ZFYVE16: variants seen among roughly 807,000 people sequenced by gnomAD.
ZFYVE16 encodes zinc finger FYVE-type containing 16.
Under a neutral mutation model 138.1 loss-of-function variants are expected in ZFYVE16, and 89 were observed. The observed-to-expected ratio is 0.64, with a 90% CI of 0.54 to 0.77. The LOEUF (loss-of-function observed/expected upper bound fraction) is 0.77. ZFYVE16 is among the 30% of genes least tolerant of loss of function. The pLI is 0.00. For missense variants in ZFYVE16, 1,793 were observed against 1,786.7 expected (o/e 1.00, Z -0.06); for synonymous variants, 596 against 618.3 (o/e 0.96, Z 0.53).
chr5:80,413,738 G>T (rs571446965), intron 1 of ZFYVE16, among the ~76,000 whole-genome samples: 3 of 152,152 alleles, frequency 2.0e-5, no homozygotes, highest in Non-Finnish European at 2.9e-5. Context: ...TTCTCTCGCC[G>T]AACCTTAATT....
At chr5:80,442,261 G>A (rs980933479) in intron 5 of ZFYVE16, among the ~76,000 whole-genome samples, 7 of 151,910 alleles carry the variant, frequency 4.6e-5, no homozygotes, top group East Asian at 1.9e-4. Context: ...ACACTACCAC[G>A]CCCAGCTAAT....
At chr5:80,429,841 A>AAAGC (rs149155410) in intron 2 of ZFYVE16, among the ~76,000 whole-genome samples, 1 of 10,184 alleles carries the variant, frequency 9.8e-5, no homozygotes, top group South Asian at 4.8e-3. Flanking sequence ...CAAAAGAGAC[A>AAAGC]AAGCCATTAC....
intron 9 of ZFYVE16, 70 bp from the exon 10 acceptor site, chr5:80,450,361 A>G: frequency 2.0e-6 from 3 of 1,496,628 alleles, no homozygotes; most frequent in Non-Finnish European, 2.7e-6. Flanking sequence ...GTTAAATGCA[A>G]AAACAATTGT....
At chr5:80,415,948 G>C (rs1285353064) in intron 1 of ZFYVE16, among the ~76,000 whole-genome samples, 1 of 152,212 alleles carries the variant, frequency 6.6e-6, no homozygotes, top group Non-Finnish European at 1.5e-5. Flanking sequence ...TTACAGGCGA[G>C]AGCCACCACG....
chr5:80,425,857 G>A (rs185804412), intron 1 of ZFYVE16, among the ~76,000 whole-genome samples: 189 of 152,172 alleles, frequency 1.2e-3, no homozygotes, highest in African/African-American at 4.0e-3. Context: ...AAAGTTCCCC[G>A]TAAACCTTTT....
At position 80,447,558 on chromosome 5, in the gene ZFYVE16, T is replaced by G. The variant is rs73767790; in HGVS notation, c.2725-468T>G. The stretch of plus-strand genomic sequence containing the variant: ...TATTGAAATAGTCTTTATGGGTAGT[T>G]TTTTCCAGGTGGTTACTCTTGTGGA... On this transcript the variant is annotated intron_variant, in intron 7 of 18. Coordinates refer to ENST00000505560, the MANE Select transcript of ZFYVE16 (RefSeq NM_001284236.3). Among the ~76,000 whole-genome samples, 1,401 of 152,272 alleles carry G rather than the reference T, an allele frequency of 9.2e-3. 24 individuals are homozygous for G. The highest frequency in any genetic ancestry group is 0.033 in the African/African-American group (1,367 of 41,568).
In ZFYVE16 at chr5:80,456,632, A is replaced by G. The variant is rs1026589834; in HGVS notation, c.3795+67A>G. On this transcript the variant is annotated intron_variant, in intron 13 of 18. Transcript: ENST00000505560. ...TAGAGTTCCCTTAGAATTGTGTCAC[A>G]TTAAATTTTTTGTTTTGAATTAGAC... The G allele has an allele frequency of 2.4e-5, 34 of 1,412,558 alleles. No individual in the cohort carries two copies. In the African/African-American group the frequency reaches 3.9e-4, roughly 16 times the overall value. 87.5% of individuals were successfully genotyped at this position (1,412,558 alleles called of 1,614,324 possible).
chr5:80,447,165 G>A (rs1163124339), intron 7 of ZFYVE16, among the ~76,000 whole-genome samples: 1 of 151,348 alleles, frequency 6.6e-6, no homozygotes, highest in Non-Finnish European at 1.5e-5. Context: ...TAGGGGAGAC[G>A]GAGGCAGGAG....
chr5:80,474,644 C>T lies in ZFYVE16; in HGVS notation c.4294-19C>T, dbSNP rs759618036. On this transcript the variant is annotated intron_variant, in intron 17 of 18. Coordinates refer to ENST00000505560, the MANE Select transcript of ZFYVE16 (RefSeq NM_001284236.3). The stretch of plus-strand genomic sequence containing the variant: ...GTTACTTTTAATCATGACTTGTTTC[C>T]TAATTAAATACATTTCAGGTGTTCT... The T allele has an allele frequency of 1.3e-6, 2 of 1,579,046 alleles. No homozygotes were observed. The highest frequency in any genetic ancestry group is 1.7e-6 in the Non-Finnish European group (2 of 1,161,624).
chr5:80,420,582 G>T (rs1180980447), intron 1 of ZFYVE16, among the ~76,000 whole-genome samples: 1 of 152,170 alleles, frequency 6.6e-6, no homozygotes, highest in East Asian at 1.9e-4. Flanking sequence ...GGCTGAGAAT[G>T]ATGGTTTCCA....
In ZFYVE16 at chr5:80,433,374, G is replaced by A. The variant is rs768812352; in HGVS notation, c.-39-735G>A. ...ACACCGCATATTCTCACTCGTAGTT[G>A]GGAATTGAACAATGAGAACACCTGG... On this transcript the variant is annotated intron_variant, in intron 2 of 18. Coordinates refer to ENST00000505560, the MANE Select transcript of ZFYVE16 (RefSeq NM_001284236.3). Among the ~76,000 whole-genome samples, 169 of 152,260 alleles carry A rather than the reference G, an allele frequency of 1.1e-3. 4 individuals carry two copies. Among genetic ancestry groups the A allele is most frequent in the Non-Finnish European group, 2.9e-4 (20 of 68,026 alleles).
At position 80,443,138 on chromosome 5, in the gene ZFYVE16, G is replaced by A; in HGVS notation, c.2435G>A (p.Arg812Lys). ...CCCTTTATAGCTCAGGCATTTGAAAGGATGATGAGTCCAACTGGTTCTAAT... is the reference window on the plus strand; with the variant it reads ...CCCTTTATAGCTCAGGCATTTGAAAAGATGATGAGTCCAACTGGTTCTAAT... ...ETISKAQAFERMMSPTGSNLK... is the reference protein window; with the variant it reads ...ETISKAQAFEKMMSPTGSNLK... The change falls in exon 6 of 19, where the codon AGG (arginine) becomes AAG (lysine). Residue 812 changes from arginine to lysine, a missense_variant. Arg to Lys is a conservative substitution (Grantham distance 26). Coordinates refer to ENST00000505560, the MANE Select transcript of ZFYVE16 (RefSeq NM_001284236.3). 3 of 1,553,476 alleles carry A rather than the reference G, an allele frequency of 1.9e-6. No individual in the cohort carries two copies. The highest frequency in any genetic ancestry group is 1.3e-5 in the South Asian group (1 of 79,532).
At position 80,429,746 on chromosome 5, in the gene ZFYVE16, G is replaced by A. The variant is rs1748704517; in HGVS notation, c.-40+2201G>A. Among the ~76,000 whole-genome samples, 6 of 152,096 alleles carry A rather than the reference G, an allele frequency of 3.9e-5. No homozygotes were observed. The South Asian group carries it at 1.0e-3, about 26-fold the overall frequency. ...GACACACATAGGCTCAAAATAAAGG[G>A]ATGGAAAAAGATATACCAAACACAT... is the stretch of plus-strand genomic sequence containing the variant. On this transcript the variant is annotated intron_variant, in intron 2 of 18. Coordinates refer to ENST00000505560, the MANE Select transcript of ZFYVE16 (RefSeq NM_001284236.3).
chr5:80,454,194 A>G (rs944425741), intron 11 of ZFYVE16: 2 of 152,230 alleles, frequency 1.3e-5, no homozygotes. Flanking sequence ...TAAGTCTTTA[A>G]AGCAGCTAAT....
rs775293520 is a variant in ZFYVE16, at chr5:80,437,262, A to C, written c.577A>C (p.Ser193Arg). The change falls in exon 4 of 19, where the codon AGT becomes CGT. Residue 193 changes from serine to arginine, a missense_variant. This residue lies in a region of ZFYVE16 where 1,295 missense variants were observed against 1,204.3 expected (regional missense o/e 1.08). Coordinates refer to ENST00000505560, the MANE Select transcript of ZFYVE16 (RefSeq NM_001284236.3). ...DTVREQQNDI[S>R]SELQNREIGG... ...TGTCAGAGAACAACAGAATGATATCAGTTCTGAATTACAAAATAGAGAAAT... is the reference window on the plus strand; with the variant it reads ...TGTCAGAGAACAACAGAATGATATCCGTTCTGAATTACAAAATAGAGAAAT... 1.9e-6 allele frequency: 3 copies of C among 1,612,256 alleles called. No homozygotes were observed. The highest frequency in any genetic ancestry group is 1.7e-6 in the Non-Finnish European group (2 of 1,179,084).
At position 80,451,605 on chromosome 5, in the gene ZFYVE16, C is replaced by G; in HGVS notation, c.3503C>G (p.Pro1168Arg). 1 of 1,613,820 alleles carries G rather than the reference C, an allele frequency of 6.2e-7. No individual in the cohort carries two copies. The highest frequency in any genetic ancestry group is 8.5e-7 in the Non-Finnish European group (1 of 1,179,872). The change falls in exon 11 of 19, where the codon CCA becomes CGA. Residue 1168 changes from proline to arginine, a missense_variant. By Grantham distance (103) the Pro-to-Arg change is moderately radical. Around this residue, in one of 2 missense-constraint regions of ZFYVE16, gnomAD observed 498 missense variants for 582.4 expected, o/e 0.86. Coordinates refer to ENST00000505560, the MANE Select transcript of ZFYVE16 (RefSeq NM_001284236.3). ...CAGAAACTTGATGATCTCTCATTAC[C>G]AAGTAATCCTTTTCTTTGTGGAATT... is the stretch of plus-strand genomic sequence containing the variant. The part of the protein sequence containing the change: ...TFQKLDDLSL[P>R]SNPFLCGILI...
At chr5:80,430,008 C>A (rs1394617613) in intron 2 of ZFYVE16, among the ~76,000 whole-genome samples, 1 of 152,190 alleles carries the variant, frequency 6.6e-6, no homozygotes, top group African/African-American at 2.4e-5. Flanking sequence ...TAACACCCCA[C>A]TGTCAACATT....
chr5:80,411,561 C>T (rs1249198793), intron 1 of ZFYVE16: 1 of 152,032 alleles, frequency 6.6e-6, no homozygotes, highest in Non-Finnish European at 1.5e-5. Context: ...AAGTTTTATC[C>T]TGAGTGGTTT....
In ZFYVE16 at chr5:80,437,167, T is replaced by G; in HGVS notation, c.482T>G (p.Leu161Trp). 2 of 1,614,064 alleles carry G rather than the reference T, an allele frequency of 1.2e-6. No homozygotes were observed. Among genetic ancestry groups the G allele is most frequent in the Non-Finnish European group, 1.7e-6 (2 of 1,179,980 alleles). ...PDDFKSNADS[L>W]IGLDLSSVSD... ...GATTTTAAGTCTAATGCAGATTCCT[T>G]GATTGGATTGGATTTATCTTCAGTG... The change falls in exon 4 of 19, where the codon TTG becomes TGG. Residue 161 changes from leucine to tryptophan, a missense_variant. Leu to Trp is a moderately conservative substitution (Grantham distance 61, BLOSUM62 -2). Transcript: ENST00000505560.
Sources: allele counts gnomAD v4.1 joint callset (sites outside exome capture counted in the v4.1 genomes callset), GRCh38; gene constraint gnomAD v4.1.1; regional missense constraint gnomAD v4.1.1; transcripts MANE v1.5; gene names NCBI Gene and HGNC (gene_info 2026-07-23, HGNC 2026-07-21).